The following RNF130 variants were observed in gnomAD, a reference collection of about 807,000 sequenced individuals.
RNF130 encodes E3 ubiquitin-protein ligase RNF130.
A neutral mutation model predicts 44.6 loss-of-function variants in RNF130; 21 were observed. The ratio of observed to expected loss-of-function variants is 0.47; its 90% CI spans 0.33 to 0.68. The LOEUF (loss-of-function observed/expected upper bound fraction) is 0.68. Among genes scored for constraint, RNF130 ranks in the 30% least tolerant of loss-of-function variants. The pLI, the probability that RNF130 is intolerant of heterozygous loss-of-function variation, is 0.02. For missense variants in RNF130, 479 were observed against 560.6 expected (o/e 0.85, Z 1.47); for synonymous variants, 214 against 210.4 (o/e 1.02, Z -0.15).
intron 7 of RNF130, among the ~76,000 whole-genome samples, chr5:179,929,145 G>A (rs1311610497): frequency 6.6e-6 from 1 of 152,106 alleles, no homozygotes; most frequent in African/African-American, 2.4e-5. Context: ...TTTCAGTATA[G>A]TGTGAAGTAG....
chr5:179,979,375 A>G (rs1265638573), intron 4 of RNF130, among the ~76,000 whole-genome samples: 1 of 151,236 alleles, frequency 6.6e-6, no homozygotes, highest in Non-Finnish European at 1.5e-5. Flanking sequence ...AAATGGGTAA[A>G]GTCCAAGAAA....
intron 7 of RNF130, among the ~76,000 whole-genome samples, chr5:179,930,153 G>T (rs1761785675): frequency 6.6e-6 from 1 of 152,128 alleles, no homozygotes; most frequent in Non-Finnish European, 1.5e-5. Context: ...TGCCCCCCGG[G>T]TTCAAGCGAT....
At chr5:180,059,351 T>C (rs1764917243) in intron 1 of RNF130, among the ~76,000 whole-genome samples, 1 of 152,234 alleles carries the variant, frequency 6.6e-6, no homozygotes, top group Non-Finnish European at 1.5e-5. Flanking sequence ...CCCAAGACTA[T>C]GATTAAATAA....
At chr5:180,021,827 A>G (rs943804388) in intron 2 of RNF130, among the ~76,000 whole-genome samples, 3 of 152,188 alleles carry the variant, frequency 2.0e-5, no homozygotes, top group Admixed American at 6.5e-5. Context: ...TGTCACTGCC[A>G]TCCAATCCCG....
chr5:180,038,432 A>C (rs1331877942), intron 2 of RNF130, among the ~76,000 whole-genome samples: 6 of 148,906 alleles, frequency 4.0e-5, no homozygotes, highest in Non-Finnish European at 7.4e-5. Context: ...TATTTTGATT[A>C]ACCTAGTATT....
At chr5:179,967,642 G>T (rs1394316340) in intron 6 of RNF130, among the ~76,000 whole-genome samples, 1 of 151,744 alleles carries the variant, frequency 6.6e-6, no homozygotes, top group Non-Finnish European at 1.5e-5. Flanking sequence ...GTCTTCCGTT[G>T]TAACAATGTG....
At chr5:180,028,916 T>G (rs1003265407) in intron 2 of RNF130, among the ~76,000 whole-genome samples, 1 of 152,236 alleles carries the variant, frequency 6.6e-6, no homozygotes, top group Non-Finnish European at 1.5e-5. Flanking sequence ...CATAATTTTA[T>G]AAAAGCTACT....
intron 1 of RNF130, 102 bp from the exon 2 acceptor site, chr5:180,040,749 G>A (rs1764389215): frequency 9.5e-6 from 10 of 1,052,400 alleles, no homozygotes; most frequent in Admixed American, 2.7e-5. Flanking sequence ...GCTAAAGCAC[G>A]TGAAGCAGCT....
chr5:179,929,960 GC>G (rs1761781487), intron 7 of RNF130, among the ~76,000 whole-genome samples: 1 of 152,074 alleles, frequency 6.6e-6, no homozygotes, highest in South Asian at 2.1e-4. Flanking sequence ...CTGTATAAAA[GC>G]CTTGCGTATC....
At chr5:179,937,929 T>TGA (rs1438019287) in intron 7 of RNF130, among the ~76,000 whole-genome samples, 234 of 134,584 alleles carry the variant, frequency 1.7e-3, no homozygotes, top group African/African-American at 6.8e-3. Context: ...TGTGTGTGTG[T>TGA]GTGTGAGAGA....
At chr5:180,048,001 CTTT>C (rs67545539) in intron 1 of RNF130, among the ~76,000 whole-genome samples, 1 of 146,930 alleles carries the variant, frequency 6.8e-6, no homozygotes, top group Admixed American at 6.8e-5. Flanking sequence ...CAACAGCACA[CTTT>C]TTTTTTTTTT....
At position 179,940,306 on chromosome 5, in the gene RNF130, C is replaced by T. The variant is rs375095325; in HGVS notation, c.1151-19880G>A. On this transcript the variant is annotated intron_variant, in intron 7 of 7. Transcript: ENST00000522208. ...TGCGATCTCGGCTCACTGCAACTTC[C>T]GCTTCCCAGGTTCAAGCGGTTCTCC... is the stretch of plus-strand genomic sequence containing the variant. 5.9e-5 allele frequency among the ~76,000 whole-genome samples: 9 copies of T among 151,890 alleles called. No individual in the cohort carries two copies. The East Asian group carries it at 9.7e-4, about 16-fold the overall frequency.
chr5:179,946,775 C>T (rs921685460), intron 7 of RNF130, among the ~76,000 whole-genome samples: 4 of 152,086 alleles, frequency 2.6e-5, no homozygotes, highest in Non-Finnish European at 4.4e-5. Flanking sequence ...AGGATGGTCT[C>T]GATCTCCTGA....
rs1019099903 is a variant in RNF130, at chr5:179,960,201, C to T, written c.1244+3270G>A. On this transcript the variant is annotated intron_variant, in intron 8 of 8. Coordinates refer to ENST00000521389, the MANE Select transcript of RNF130 (RefSeq NM_018434.6). ...TGGGAATTGAAATTCAGTAACCTCG[C>T]TTACCTAGGTACTAAGAAACCGAGG... Among the ~76,000 whole-genome samples the T allele has an allele frequency of 3.3e-5, 5 of 152,182 alleles. 1 individual carries two copies. The East Asian group carries it at 7.7e-4, about 23-fold the overall frequency.
At chr5:179,928,607 A>T (rs1299376233) in intron 7 of RNF130, among the ~76,000 whole-genome samples, 1 of 149,578 alleles carries the variant, frequency 6.7e-6, no homozygotes, top group African/African-American at 2.5e-5. Context: ...CTTCTTCCAA[A>T]ACTGTATTTT....
intron 5 of RNF130, among the ~76,000 whole-genome samples, chr5:179,975,249 G>A (rs867719398): frequency 1.5e-4 from 23 of 152,374 alleles, no homozygotes; most frequent in Middle Eastern, 3.4e-3. Context: ...GCGCGAAGGC[G>A]CAGCTGCGAG....
Position 180,005,974 on chromosome 5 carries a change from C to T in RNF130, c.693+7087G>A, listed in dbSNP as rs1384161985. Reference sequence around the variant, plus strand: ...AAAAAATCAGATCTTAAGCCCCTGACATGTAATATTTAGAAGGTATATAAT... The same window carrying T: ...AAAAAATCAGATCTTAAGCCCCTGATATGTAATATTTAGAAGGTATATAAT... On this transcript the variant is annotated intron_variant, in intron 3 of 8. Transcript: ENST00000521389. Among the ~76,000 whole-genome samples, 2 of 152,136 alleles carry T rather than the reference C, an allele frequency of 1.3e-5. 1 individual carries two copies. Among genetic ancestry groups the T allele is most frequent in the South Asian group, 4.1e-4 (2 of 4,828 alleles).
chr5:180,027,909 GC>G (rs1166622945), intron 2 of RNF130, among the ~76,000 whole-genome samples: 1 of 152,342 alleles, frequency 6.6e-6, no homozygotes, highest in African/African-American at 2.4e-5. Context: ...CCCCAGTGCA[GC>G]GCTGGAAAGC....
intron 2 of RNF130, among the ~76,000 whole-genome samples, chr5:180,014,178 T>A (rs1024965835): frequency 1.3e-5 from 2 of 152,232 alleles, no homozygotes; most frequent in African/African-American, 2.4e-5. Flanking sequence ...GCCTTATAGT[T>A]ACCTAGACCT....
Sources: allele counts gnomAD v4.1 joint callset (sites outside exome capture counted in the v4.1 genomes callset), GRCh38; gene constraint gnomAD v4.1.1; transcripts MANE v1.5; gene names NCBI Gene and HGNC (gene_info 2026-07-23, HGNC 2026-07-21).